DCC: variants seen among roughly 807,000 people sequenced by gnomAD.
DCC encodes DCC netrin 1 receptor, also known as netrin receptor DCC.
In DCC, 58 loss-of-function variants were observed where a neutral mutation model predicts 172.5. The ratio of observed to expected loss-of-function variants is 0.34; its 90% confidence interval spans 0.27 to 0.42. The LOEUF (loss-of-function observed/expected upper bound fraction) is 0.42. DCC is among the 10% of genes least tolerant of loss of function. The pLI, the probability that DCC is intolerant of heterozygous loss-of-function variation, is 1.00. For missense variants in DCC, 1,740 were observed against 1,791.0 expected (o/e 0.97, Z 0.51); for synonymous variants, 709 against 644.5 (o/e 1.10, Z -1.52).
At chr18:52,402,465 T>C (rs1986477858) in intron 1 of DCC, among the ~76,000 whole-genome samples, 1 of 151,986 alleles carries the variant, frequency 6.6e-6, no homozygotes, top group South Asian at 2.1e-4. Flanking sequence ...TCTCCATCCT[T>C]TAAGTGCCCC....
intron 5 of DCC, among the ~76,000 whole-genome samples, chr18:53,007,415 C>T (rs56005836): frequency 0.051 from 7,694 of 152,086 alleles, 345 homozygotes; most frequent in East Asian, 0.21. Flanking sequence ...CAAAAATAGA[C>T]AACTTATAGA....
chr18:52,412,950 G>A (rs976700389), intron 1 of DCC, among the ~76,000 whole-genome samples: 10 of 151,970 alleles, frequency 6.6e-5, no homozygotes, highest in African/African-American at 2.4e-4. Flanking sequence ...TAACTGAATA[G>A]GATTGTTACT....
At chr18:53,474,044 A>G (rs557031286) in intron 25 of DCC, among the ~76,000 whole-genome samples, 1 of 152,168 alleles carries the variant, frequency 6.6e-6, no homozygotes, top group African/African-American at 2.4e-5. Flanking sequence ...TAATTATCAG[A>G]TAACAACACA....
At chr18:52,785,576 G>A (rs1289821982) in intron 2 of DCC, among the ~76,000 whole-genome samples, 1 of 151,960 alleles carries the variant, frequency 6.6e-6, no homozygotes, top group East Asian at 1.9e-4. Context: ...TCAATCTAAG[G>A]GTCCTCAGAA....
At chr18:52,902,881 A>G (rs1483867476) in intron 2 of DCC, among the ~76,000 whole-genome samples, 1 of 152,226 alleles carries the variant, frequency 6.6e-6, no homozygotes, top group Non-Finnish European at 1.5e-5. Flanking sequence ...ATGACAAATA[A>G]TCAACTCTGT....
intron 1 of DCC, among the ~76,000 whole-genome samples, chr18:52,591,882 A>G (rs920573206): frequency 6.9e-6 from 1 of 145,652 alleles, no homozygotes; most frequent in East Asian, 2.0e-4. Context: ...CCAAAGCTCT[A>G]GGATTACATG....
intron 2 of DCC, among the ~76,000 whole-genome samples, chr18:52,892,791 A>G (rs1367860088): frequency 1.3e-5 from 2 of 152,234 alleles, no homozygotes; most frequent in Non-Finnish European, 2.9e-5. Context: ...GTTAAGCAGA[A>G]ATATTTTGGT....
intron 27 of DCC, among the ~76,000 whole-genome samples, chr18:53,525,298 T>C (rs1165729958): frequency 6.6e-6 from 1 of 152,126 alleles, no homozygotes; most frequent in Non-Finnish European, 1.5e-5. Context: ...TCTAGACTTT[T>C]GTAGGCACTC....
chr18:52,778,716 G>T (rs764078999), intron 2 of DCC, among the ~76,000 whole-genome samples: 1 of 151,970 alleles, frequency 6.6e-6, no homozygotes, highest in Non-Finnish European at 1.5e-5. Context: ...TAGTAGTTTT[G>T]TTTTTACTGT....
At chr18:52,668,367 C>A (rs1050620658) in intron 1 of DCC, among the ~76,000 whole-genome samples, 5 of 152,096 alleles carry the variant, frequency 3.3e-5, no homozygotes, top group African/African-American at 1.2e-4. Flanking sequence ...AATTCATGGA[C>A]AGGAGGTACA....
At chr18:52,577,828 C>G (rs1473288515) in intron 1 of DCC, among the ~76,000 whole-genome samples, 1 of 152,054 alleles carries the variant, frequency 6.6e-6, no homozygotes, top group Non-Finnish European at 1.5e-5. Flanking sequence ...TAATGGGAGG[C>G]TAGGAAAGGG....
At chr18:52,465,374 C>T (rs373269698) in intron 1 of DCC, among the ~76,000 whole-genome samples, 1 of 152,086 alleles carries the variant, frequency 6.6e-6, no homozygotes, top group East Asian at 1.9e-4. Flanking sequence ...TTTTTTCTCC[C>T]CGTTTCTCTT....
At chr18:53,096,026 T>C (rs758649368) in intron 7 of DCC, among the ~76,000 whole-genome samples, 6 of 152,002 alleles carry the variant, frequency 3.9e-5, no homozygotes, top group Non-Finnish European at 8.8e-5. Context: ...TTGGGAGACA[T>C]GACAAGACCC....
intron 7 of DCC, among the ~76,000 whole-genome samples, chr18:53,139,258 G>T (rs1211043940): frequency 6.6e-6 from 1 of 152,150 alleles, no homozygotes; most frequent in Non-Finnish European, 1.5e-5. Context: ...GCAATTTATG[G>T]TGCAAAAAGC....
At position 52,866,891 on chromosome 18, in the gene DCC, C is replaced by T. The variant is rs535535190; in HGVS notation, c.413-39153C>T. Reference sequence around the variant, plus strand: ...TTTATTTTTTTCTCTTGCCTGATTGCCCTGGCCAGCACTTCCAATACTATG... The same window carrying T: ...TTTATTTTTTTCTCTTGCCTGATTGTCCTGGCCAGCACTTCCAATACTATG... On this transcript the variant is annotated intron_variant, in intron 2 of 28. Coordinates refer to ENST00000442544, the MANE Select transcript of DCC (RefSeq NM_005215.4). Among the ~76,000 whole-genome samples, 206 of 152,240 alleles carry T rather than the reference C, an allele frequency of 1.4e-3. 1 individual carries two copies. Among genetic ancestry groups the T allele is most frequent in the African/African-American group, 4.7e-3 (196 of 41,548 alleles).
intron 3 of DCC, among the ~76,000 whole-genome samples, chr18:52,923,193 A>G (rs7243975): frequency 0.4 from 60,059 of 151,952 alleles, 12,447 homozygotes; most frequent in Non-Finnish European, 0.47. Context: ...TTTCTAAGAA[A>G]GCAGTTATTT....
chr18:53,478,972 G>T (rs1423320830), intron 25 of DCC, among the ~76,000 whole-genome samples: 2 of 152,142 alleles, frequency 1.3e-5, no homozygotes, highest in Non-Finnish European at 2.9e-5. Context: ...TCCTAAGATT[G>T]GTCCCAGCTC....
intron 12 of DCC, among the ~76,000 whole-genome samples, chr18:53,299,469 A>G (rs1318546159): frequency 6.6e-6 from 1 of 152,142 alleles, no homozygotes; most frequent in Non-Finnish European, 1.5e-5. Context: ...TTCCTGTTTT[A>G]AATACCATTC....
intron 1 of DCC, among the ~76,000 whole-genome samples, chr18:52,737,030 C>G (rs2036740578): frequency 6.6e-6 from 1 of 152,140 alleles, no homozygotes; most frequent in African/African-American, 2.4e-5. Flanking sequence ...TTGAACCCCT[C>G]AATGGATTTA....
Sources: allele counts gnomAD v4.1 joint callset (sites outside exome capture counted in the v4.1 genomes callset), GRCh38; gene constraint gnomAD v4.1.1; transcripts MANE v1.5; gene names NCBI Gene and HGNC (gene_info 2026-07-23, HGNC 2026-07-21).